Variants in EDIL3 observed in about 807,000 individuals in gnomAD.
The protein encoded by EDIL3 is EGF-like repeat and discoidin I-like domain-containing protein 3.
A neutral mutation model predicts 67.4 loss-of-function variants in EDIL3; 37 were observed. That is an observed-to-expected ratio of 0.55 (90% confidence interval 0.42 to 0.72). The LOEUF is 0.72. Among genes scored for constraint, EDIL3 ranks in the 30% least tolerant of loss-of-function variants. The probability of loss-of-function intolerance (pLI) is 0.00; values close to 1 mark genes in which losing one functional copy is unlikely to be tolerated. For missense variants in EDIL3, 527 were observed against 586.3 expected (o/e 0.90, Z 1.04); for synonymous variants, 195 against 196.3 (o/e 0.99, Z 0.05).
intron 10 of EDIL3, among the ~76,000 whole-genome samples, chr5:83,949,938 G>A (rs1469171703): frequency 6.6e-6 from 1 of 151,812 alleles, no homozygotes; most frequent in Non-Finnish European, 1.5e-5. Context: ...GGGTCTTCAG[G>A]TCAGCTTGAC....
chr5:84,177,111 C>T (rs1467464985), intron 4 of EDIL3, among the ~76,000 whole-genome samples: 1 of 152,070 alleles, frequency 6.6e-6, no homozygotes, highest in Non-Finnish European at 1.5e-5. Flanking sequence ...GAGCTGAAAA[C>T]TTATGTCCAC....
intron 5 of EDIL3, among the ~76,000 whole-genome samples, chr5:84,135,664 C>T (rs936606678): frequency 2.6e-5 from 4 of 152,166 alleles, no homozygotes; most frequent in Admixed American, 1.3e-4. Flanking sequence ...AAATGCTTCA[C>T]GGGAAGGTTT....
At chr5:84,321,218 T>A (rs546290744) in intron 1 of EDIL3, among the ~76,000 whole-genome samples, 3 of 152,242 alleles carry the variant, frequency 2.0e-5, no homozygotes, top group African/African-American at 7.2e-5. Context: ...TGTATATCTG[T>A]TGGTGTTGAA....
intron 5 of EDIL3, among the ~76,000 whole-genome samples, chr5:84,116,510 C>A (rs549463151): frequency 6.6e-6 from 1 of 152,198 alleles, no homozygotes; most frequent in African/African-American, 2.4e-5. Context: ...TCAAAGCCTG[C>A]TCTCTAAGTC....
chr5:84,029,411 A>G (rs574001265), intron 9 of EDIL3, among the ~76,000 whole-genome samples: 1 of 152,318 alleles, frequency 6.6e-6, no homozygotes, highest in African/African-American at 2.4e-5. Flanking sequence ...CTCTAAGTCC[A>G]TTAAACCTCT....
chr5:84,141,440 AAT>A (rs888887609), intron 4 of EDIL3, among the ~76,000 whole-genome samples: 1 of 147,152 alleles, frequency 6.8e-6, no homozygotes, highest in Non-Finnish European at 1.5e-5. Context: ...AATTATATAT[AAT>A]ATATATAATT....
intron 1 of EDIL3, among the ~76,000 whole-genome samples, chr5:84,309,442 C>G (rs1746341331): frequency 6.6e-6 from 1 of 151,512 alleles, no homozygotes; most frequent in African/African-American, 2.4e-5. Context: ...ACTGTACCCA[C>G]TAACTCTTCA....
At chr5:84,208,493 C>G (rs1167299823) in intron 3 of EDIL3, among the ~76,000 whole-genome samples, 1 of 151,270 alleles carries the variant, frequency 6.6e-6, no homozygotes, top group Non-Finnish European at 1.5e-5. Flanking sequence ...TCCTGGCTAA[C>G]AAGGTGAAAC....
intron 2 of EDIL3, among the ~76,000 whole-genome samples, chr5:84,251,937 T>TA (rs1745031190): frequency 6.6e-6 from 1 of 152,156 alleles, no homozygotes; most frequent in African/African-American, 2.4e-5. Flanking sequence ...AATGTATAAT[T>TA]AAAAAATATA....
At chr5:84,085,992 C>T (rs779452385) in intron 6 of EDIL3, among the ~76,000 whole-genome samples, 2 of 152,150 alleles carry the variant, frequency 1.3e-5, no homozygotes, top group Non-Finnish European at 2.9e-5. Flanking sequence ...TCAGTAATGG[C>T]GGATACTCAT....
At chr5:84,202,957 G>T (rs1743876664) in intron 3 of EDIL3, among the ~76,000 whole-genome samples, 1 of 152,094 alleles carries the variant, frequency 6.6e-6, no homozygotes, top group Non-Finnish European at 1.5e-5. Context: ...AAGCCTGAGA[G>T]ATATTATAGA....
chr5:84,333,117 GATAAGT>G (rs1431355810), intron 1 of EDIL3, among the ~76,000 whole-genome samples: 1 of 151,986 alleles, frequency 6.6e-6, no homozygotes, highest in Admixed American at 6.6e-5. Flanking sequence ...AGAACTAAAA[GATAAGT>G]ATAATTTTTA....
At chr5:84,225,496 T>G (rs1161700930) in intron 3 of EDIL3, among the ~76,000 whole-genome samples, 1 of 151,606 alleles carries the variant, frequency 6.6e-6, no homozygotes, top group Admixed American at 6.6e-5. Flanking sequence ...AACGAGGCAG[T>G]TTTTCAATAA....
chr5:84,379,435 T>TA (rs1164517135), intron 1 of EDIL3, among the ~76,000 whole-genome samples: 2 of 152,246 alleles, frequency 1.3e-5, no homozygotes, highest in African/African-American at 4.8e-5. Flanking sequence ...CACTTTACCA[T>TA]AATGACAAAA....
chr5:84,300,936 A>C (rs1746146983), intron 1 of EDIL3, among the ~76,000 whole-genome samples: 3 of 150,634 alleles, frequency 2.0e-5, no homozygotes, highest in African/African-American at 7.3e-5. Flanking sequence ...AGACACATAC[A>C]CACACACACA....
chr5:84,254,934 GC>G lies in EDIL3; in HGVS notation c.68-723del, dbSNP rs144590995. 2.5e-3 allele frequency among the ~76,000 whole-genome samples: 387 copies of G among 152,256 alleles called. 2 individuals carry two copies. Among genetic ancestry groups the G allele is most frequent in the African/African-American group, 8.9e-3 (369 of 41,544 alleles). ...ATGGCCATGAAAAGCTAGAAAAATG[GC>G]TACCCATTTTATGTAGTGTGTAACA... On this transcript the variant is annotated intron_variant, in intron 1 of 10. Coordinates refer to ENST00000296591, the MANE Select transcript of EDIL3 (RefSeq NM_005711.5).
chr5:83,955,199 G>T (rs1744493526), intron 10 of EDIL3, among the ~76,000 whole-genome samples: 1 of 151,838 alleles, frequency 6.6e-6, no homozygotes, highest in East Asian at 2.0e-4. Flanking sequence ...AATTTTAAGT[G>T]TACACGTTTT....
At chr5:84,333,164 A>G (rs372736055) in intron 1 of EDIL3, among the ~76,000 whole-genome samples, 2 of 152,306 alleles carry the variant, frequency 1.3e-5, no homozygotes, top group South Asian at 2.1e-4. Flanking sequence ...GTTTCTATAG[A>G]GACATTTGAA....
At chr5:84,079,947 G>C (rs978144202) in intron 6 of EDIL3, among the ~76,000 whole-genome samples, 6 of 151,598 alleles carry the variant, frequency 4.0e-5, no homozygotes, top group African/African-American at 1.5e-4. Flanking sequence ...GAAGCATCAT[G>C]AACACACCTA....
Sources: allele counts gnomAD v4.1 joint callset (sites outside exome capture counted in the v4.1 genomes callset), GRCh38; gene constraint gnomAD v4.1.1; transcripts MANE v1.5; gene names NCBI Gene and HGNC (gene_info 2026-07-23, HGNC 2026-07-21).